DGKZ: variants seen among roughly 807,000 people sequenced by gnomAD.
The protein encoded by DGKZ is DAG kinase zeta.
DGKZ carries 45 observed loss-of-function variants against 142.5 expected under a neutral mutation model. That is an observed-to-expected ratio of 0.32 (90% confidence interval 0.25 to 0.40). DGKZ has a LOEUF of 0.40. Among genes scored for constraint, DGKZ ranks in the 10% least tolerant of loss-of-function variants. The pLI, the probability that DGKZ is intolerant of heterozygous loss-of-function variation, is 1.00. For synonymous variants in DGKZ, 442 were observed against 527.0 expected (o/e 0.84, Z 2.21); for missense variants, 755 against 1,306.5 (o/e 0.58, Z 6.51).
intron 1 of DGKZ, among the ~76,000 whole-genome samples, chr11:46,353,600 G>T (rs992923284): frequency 2.0e-5 from 3 of 152,198 alleles, no homozygotes; most frequent in African/African-American, 7.2e-5. Flanking sequence ...CTTTAAGGGC[G>T]CAGGGAGTCT....
intron 1 of DGKZ, among the ~76,000 whole-genome samples, chr11:46,349,491 G>A (rs923377065): frequency 6.6e-6 from 1 of 152,188 alleles, no homozygotes; most frequent in Non-Finnish European, 1.5e-5. Flanking sequence ...AGAAACCAGA[G>A]AACCAACAGA....
Position 46,374,595 on chromosome 11 carries a change from C to A in DGKZ, c.1462-9C>A. Reference sequence around the variant, plus strand: ...GTCAGCAGATGGTGACGCCCTCTGTCTCCCACAGACAGCTTTCTCTGACTT... The same window carrying A: ...GTCAGCAGATGGTGACGCCCTCTGTATCCCACAGACAGCTTTCTCTGACTT... On this transcript the variant is annotated splice_polypyrimidine_tract_variant and intron_variant, in intron 16 of 30. Coordinates refer to ENST00000527911, the Ensembl canonical transcript of DGKZ. The A allele has an allele frequency of 1.9e-6, 3 of 1,584,030 alleles. No homozygotes were observed. The highest frequency in any genetic ancestry group is 2.6e-6 in the Non-Finnish European group (3 of 1,162,282).
chr11:46,340,352 G>A lies in DGKZ; in HGVS notation c.212+6865G>A, dbSNP rs182593713. Among the ~76,000 whole-genome samples, 921 of 152,298 alleles carry A rather than the reference G, an allele frequency of 6.0e-3. 30 individuals carry two copies. The highest frequency in any genetic ancestry group is 6.8e-3 in the Middle Eastern group (2 of 294). On this transcript the variant is annotated intron_variant, in intron 1 of 30. Transcript: ENST00000343674. ...AGGCTTGGAAGGCAGGAGACACACT[G>A]ACCGTGTCGTGGGGGCTTGGTGTAG...
chr11:46,347,308 C>A, upstream of DGKZ: 1 of 985,016 alleles, frequency 1.0e-6, no homozygotes, highest in Non-Finnish European at 1.2e-6. The surrounding 1 kb of genome is among the most constrained non-coding windows in gnomAD (Gnocchi z 6.4). Flanking sequence ...CATTCGTCGC[C>A]CCGCCCCTCG....
intron 25 of DGKZ, 60 bp downstream of exon 25, chr11:46,377,272 G>C (rs1944659981): frequency 6.6e-7 from 1 of 1,522,782 alleles, no homozygotes; most frequent in Non-Finnish European, 8.8e-7. Context: ...GTAAGCCGAT[G>C]ACTTCTGAAT....
Position 46,379,833 on chromosome 11 carries a change from C to CG in DGKZ, c.2692dup (p.Asp898GlyfsTer8). 6.2e-7 allele frequency: 1 copy of CG among 1,608,408 alleles called. No homozygotes were observed. The highest frequency in any genetic ancestry group is 1.1e-5 in the South Asian group (1 of 90,396). ...ATCGCAGCTCCGCCCTCCTCCAGGGCGACACTCCCCGGCAGCGGGCTGAGA... is the reference window on the plus strand; with the variant it reads ...ATCGCAGCTCCGCCCTCCTCCAGGGCGGACACTCCCCGGCAGCGGGCTGAGA... On this transcript the variant is annotated frameshift_variant, in exon 31 of 31. Transcript: ENST00000527911. LOFTEE classifies it high-confidence loss of function.
chr11:46,377,892 C>T, intron 25 of DGKZ: 1 of 473,020 alleles, frequency 2.1e-6, no homozygotes, highest in Non-Finnish European at 3.8e-6. Context: ...GGAGAGATCA[C>T]TCCCAGGACC....
rs1944113401 is a variant in DGKZ at position 46,372,918 on chromosome 11, C to T, written c.1185+34C>T. ...CCATAGGAGGGGGGTGCAGCTGGGG[C>T]CTCTCCAGCCACAGAGGGCTCAGTC... On this transcript the variant is annotated intron_variant, in intron 13 of 30. Transcript: ENST00000527911. This position sits in a 1 kb window ranked among gnomAD's most constrained non-coding sequence, Gnocchi z 5.9. 6.4e-7 allele frequency: 1 copy of T among 1,556,422 alleles called. No individual in the cohort carries two copies. The highest frequency in any genetic ancestry group is 8.7e-7 in the Non-Finnish European group (1 of 1,150,108).
At chr11:46,373,373 G>A (rs1351274688) in intron 14 of DGKZ, among the ~76,000 whole-genome samples, 14 of 139,890 alleles carry the variant, frequency 1.0e-4, no homozygotes, top group Middle Eastern at 3.9e-3. Flanking sequence ...TGCAACCTCC[G>A]CCTCCCAGGT....
Position 46,348,302 on chromosome 11 carries a change from C to T in DGKZ, c.161+482C>T, listed in dbSNP as rs116591721. On this transcript the variant is annotated intron_variant, in intron 1 of 30. Coordinates refer to ENST00000527911, the Ensembl canonical transcript of DGKZ. ...GGGACCAGGTTGCCTACCATCACTG[C>T]GTGGCATCTGCAGAACGTAGCCCCG... Among the ~76,000 whole-genome samples the T allele has an allele frequency of 7.9e-3, 1,198 of 152,306 alleles. 8 individuals carry two copies. The highest frequency in any genetic ancestry group is 0.028 in the African/African-American group (1,158 of 41,554).
At chr11:46,335,142 T>C (rs952849542) in intron 1 of DGKZ, among the ~76,000 whole-genome samples, 2 of 151,996 alleles carry the variant, frequency 1.3e-5, no homozygotes, top group African/African-American at 4.8e-5. Context: ...GGTGAAACCC[T>C]GTCTCTACTA....
intron 1 of DGKZ, among the ~76,000 whole-genome samples, chr11:46,359,238 C>T (rs1009277246): frequency 2.0e-5 from 3 of 150,270 alleles, no homozygotes; most frequent in Non-Finnish European, 3.0e-5. Flanking sequence ...GTCAGGAGTT[C>T]GAGGTCAGCC....
chr11:46,334,080 G>A (rs1939894065), intron 1 of DGKZ, among the ~76,000 whole-genome samples: 1 of 151,502 alleles, frequency 6.6e-6, no homozygotes, highest in Non-Finnish European at 1.5e-5. Flanking sequence ...TTCTGTCAGT[G>A]TCAGAGTCTC....
rs1312382635 is a variant in DGKZ, at chr11:46,379,173, C to G, written c.2540-30C>G. 2.5e-6 allele frequency: 4 copies of G among 1,612,442 alleles called. No homozygotes were observed. In the African/African-American group the frequency reaches 5.3e-5, roughly 22 times the overall value. On this transcript the variant is annotated intron_variant, in intron 28 of 30. Coordinates refer to ENST00000527911, the Ensembl canonical transcript of DGKZ. ...GGTGGGAGGAGGAGGGGCTGCCAGG[C>G]CTCTCTGACCACCACCTCCCCTTCT...
At chr11:46,350,007 G>A (rs1202381167) in intron 1 of DGKZ, among the ~76,000 whole-genome samples, 2 of 152,322 alleles carry the variant, frequency 1.3e-5, no homozygotes, top group Middle Eastern at 3.4e-3. Context: ...ACAGTAGTCC[G>A]TCACGCTGGG....
At chr11:46,378,309 A>G (rs1944792626) in intron 26 of DGKZ, 80 bp downstream of exon 26, 2 of 1,540,220 alleles carry the variant, frequency 1.3e-6, no homozygotes, top group Non-Finnish European at 1.8e-6. Context: ...TAGGGCCCAG[A>G]CACAGCCTTA....
intron 1 of DGKZ, chr11:46,361,794 G>A (rs1375513213): frequency 1.2e-5 from 7 of 568,102 alleles, no homozygotes; most frequent in Non-Finnish European, 1.3e-5. Context: ...GGATCCGGGC[G>A]GACCCGGGCC....
chr11:46,355,397 C>T (rs903241009), intron 1 of DGKZ, among the ~76,000 whole-genome samples: 2 of 152,078 alleles, frequency 1.3e-5, no homozygotes, highest in African/African-American at 2.4e-5. Flanking sequence ...CATGAGCCAC[C>T]GCGCCCGGCT....
At chr11:46,369,295 C>T (rs1014783879) in intron 4 of DGKZ, 199 bp from the exon 5 acceptor site, 8 of 658,028 alleles carry the variant, frequency 1.2e-5, no homozygotes, top group African/African-American at 3.6e-5. Context: ...AAGGAAAGAT[C>T]CCTCTGGCTA....
Sources: gnomAD v4.1 joint callset for allele counts (sites outside exome capture counted in the v4.1 genomes callset) on GRCh38, gnomAD v4.1.1 for gene constraint, Gnocchi (gnomAD v3.1) non-coding constraint, MANE v1.5 for transcripts, NCBI Gene and HGNC (gene_info 2026-07-23, HGNC 2026-07-21) for gene names.